Variants in COL4A2 observed in about 807,000 individuals in gnomAD.
The protein encoded by COL4A2 is collagen type IV alpha 2 chain.
A neutral mutation model predicts 200.2 loss-of-function variants in COL4A2; 99 were observed. That is an observed-to-expected ratio of 0.49 (90% CI 0.42 to 0.58). The LOEUF (loss-of-function observed/expected upper bound fraction) is 0.58. COL4A2 is among the 20% of genes least tolerant of loss of function. The probability of loss-of-function intolerance (pLI) is 0.00; values close to 1 mark genes in which losing one functional copy is unlikely to be tolerated. For missense variants in COL4A2, 1,950 were observed against 2,314.1 expected, an observed-to-expected ratio of 0.84 and a Z score of 3.23; for synonymous variants, 897 against 900.6, an observed-to-expected ratio of 1.00 and a Z score of 0.07.
At chr13:110,433,960 A>G (rs1880777937) in intron 11 of COL4A2, among the ~76,000 whole-genome samples, 1 of 152,220 alleles carries the variant, frequency 6.6e-6, no homozygotes, top group Non-Finnish European at 1.5e-5. Flanking sequence ...AAAGATTATT[A>G]AAAAGATAGG....
intron 4 of COL4A2, among the ~76,000 whole-genome samples, chr13:110,371,028 A>T (rs1371063077): frequency 6.6e-6 from 1 of 152,250 alleles, no homozygotes; most frequent in Admixed American, 6.5e-5. Context: ...AGTAGAAGGA[A>T]ATAAAGTTTA....
chr13:110,445,078 T>G (rs1881269437), intron 16 of COL4A2, among the ~76,000 whole-genome samples: 1 of 152,208 alleles, frequency 6.6e-6, no homozygotes, highest in Non-Finnish European at 1.5e-5. Context: ...CTCAGACTTC[T>G]GGGCTCAAGT....
chr13:110,455,999 T>C (rs1255248009), intron 20 of COL4A2, among the ~76,000 whole-genome samples: 2 of 152,212 alleles, frequency 1.3e-5, no homozygotes, highest in Admixed American at 1.3e-4. Context: ...AGGGCACACC[T>C]GCAGAGCCTG....
intron 4 of COL4A2, among the ~76,000 whole-genome samples, chr13:110,369,114 G>A (rs1877888703): frequency 6.6e-6 from 1 of 152,240 alleles, no homozygotes; most frequent in Middle Eastern, 3.4e-3. Flanking sequence ...GAGAGGTTGA[G>A]GCAGGAGAAT....
chr13:110,443,016 C>A (rs1316993942), intron 16 of COL4A2, among the ~76,000 whole-genome samples: 1 of 152,226 alleles, frequency 6.6e-6, no homozygotes, highest in Non-Finnish European at 1.5e-5. Flanking sequence ...TGCATTTGCA[C>A]AGGCTGCAGT....
Position 110,372,481 on chromosome 13 carries a change from A to C in COL4A2, c.180+14929A>C, listed in dbSNP as rs1237507537. 2.0e-5 allele frequency among the ~76,000 whole-genome samples: 3 copies of C among 152,196 alleles called. No individual in the cohort carries two copies. The East Asian group carries it at 5.8e-4, about 29-fold the overall frequency. On this transcript the variant is annotated intron_variant, in intron 4 of 47. Coordinates refer to ENST00000360467, the MANE Select transcript of COL4A2 (RefSeq NM_001846.4). The stretch of plus-strand genomic sequence containing the variant: ...GGAATTTGTCTTGTGTTATTTTTTA[A>C]TAAAAATAATCAGTGTTATGCTATT...
chr13:110,409,155 AC>A (rs373939157), intron 4 of COL4A2, among the ~76,000 whole-genome samples: 14 of 152,148 alleles, frequency 9.2e-5, no homozygotes, highest in Admixed American at 2.6e-4. Context: ...ACATGTACAC[AC>A]ATGCACATAT....
intron 4 of COL4A2, among the ~76,000 whole-genome samples, chr13:110,358,394 AT>A (rs1407477325): frequency 2.0e-5 from 3 of 152,164 alleles, no homozygotes; most frequent in Non-Finnish European, 4.4e-5. Context: ...CTGCTTCTGG[AT>A]TCTTCCTGAA....
chr13:110,505,267 C>G (rs1404564101), intron 45 of COL4A2, among the ~76,000 whole-genome samples: 9 of 152,076 alleles, frequency 5.9e-5, no homozygotes, highest in East Asian at 1.9e-4. Context: ...GGAGAATGGC[C>G]TCAACCCAGG....
chr13:110,438,576 C>A, intron 14 of COL4A2, 42 bp from the exon 15 acceptor site: 1 of 1,613,660 alleles, frequency 6.2e-7, no homozygotes, highest in South Asian at 1.1e-5. Context: ...CTGGAGGGGC[C>A]GCCCCTGGGT....
chr13:110,447,063 G>A (rs1881355685), intron 18 of COL4A2, among the ~76,000 whole-genome samples, 199 bp downstream of exon 18: 1 of 152,158 alleles, frequency 6.6e-6, no homozygotes, highest in Non-Finnish European at 1.5e-5. Context: ...GCTTAAATGT[G>A]TCACAGGGAG....
chr13:110,462,540 A>ATG, intron 24 of COL4A2, 156 bp downstream of exon 24: 1 of 659,666 alleles, frequency 1.5e-6, no homozygotes, highest in Non-Finnish European at 2.5e-6. Flanking sequence ...AATGAGCAGA[A>ATG]ATCAGACTTT....
chr13:110,497,327 A>T (rs1482375563), intron 40 of COL4A2, among the ~76,000 whole-genome samples: 1 of 147,906 alleles, frequency 6.8e-6, no homozygotes, highest in African/African-American at 2.5e-5. Context: ...GTGAGGATCT[A>T]GGTCAGTACA....
At chr13:110,309,913 C>A (rs1217523246) in intron 3 of COL4A2, among the ~76,000 whole-genome samples, 12 of 152,184 alleles carry the variant, frequency 7.9e-5, no homozygotes, top group Non-Finnish European at 4.4e-5. Context: ...ATTGCTTGAA[C>A]CCAGGAGGCC....
rs560510434 is a variant in COL4A2, at chr13:110,503,916, C to A, written c.4208C>A (p.Thr1403Lys). 2.2e-5 allele frequency: 36 copies of A among 1,611,308 alleles called. No individual in the cohort carries two copies. In the Admixed American group the frequency reaches 6.0e-4, roughly 27 times the overall value. Reference protein sequence around the residue: ...IPQKIAVQPGTVGPQGRRGPP... With the variant: ...IPQKIAVQPGKVGPQGRRGPP... ...CAGAAGATTGCCGTCCAACCAGGGACAGTGGGTCCCCAGGGGAGGCGAGGC... is the reference window on the plus strand; with the variant it reads ...CAGAAGATTGCCGTCCAACCAGGGAAAGTGGGTCCCCAGGGGAGGCGAGGC... Residue 1403 changes from threonine (T) to lysine (K), a missense_variant, in exon 44 of 48, where the codon ACA becomes AAA. By Grantham distance (78) the Thr-to-Lys change is moderately conservative. Transcript: ENST00000360467.
chr13:110,385,542 G>A (rs867897661), intron 4 of COL4A2, among the ~76,000 whole-genome samples: 6 of 130,112 alleles, frequency 4.6e-5, no homozygotes, highest in East Asian at 2.4e-4. Context: ...TGGATAGGCC[G>A]TGGTTGCAGT....
intron 4 of COL4A2, among the ~76,000 whole-genome samples, chr13:110,398,310 A>G (rs546499767): frequency 6.6e-6 from 1 of 152,300 alleles, no homozygotes. Flanking sequence ...ACAACGGTAA[A>G]TGTAAATAAG....
rs917232839 is a variant in COL4A2, at chr13:110,453,569, C to A, written c.1339+3115C>A. Among the ~76,000 whole-genome samples the A allele has an allele frequency of 9.8e-5, 15 of 152,318 alleles. No homozygotes were observed. In the South Asian group the frequency reaches 2.1e-3, roughly 21 times the overall value. On this transcript the variant is annotated intron_variant, in intron 20 of 47. Coordinates refer to ENST00000360467, the MANE Select transcript of COL4A2 (RefSeq NM_001846.4). ...ATCAAAGGCTAACGTTGCCATTATT[C>A]CTGTAACTAAATTCCATTTTGATAA...
rs138428757 is a variant in COL4A2, at chr13:110,329,593, C to A, written c.99+21470C>A. On this transcript the variant is annotated intron_variant, in intron 3 of 47. Coordinates refer to ENST00000360467, the MANE Select transcript of COL4A2 (RefSeq NM_001846.4). ...TGGAAATAGAGGGCACAGGTGCAGT[C>A]ATACCAAATACAGACAAAGGAAAAA... 4.3e-3 allele frequency among the ~76,000 whole-genome samples: 659 copies of A among 152,314 alleles called. 9 individuals carry two copies. Among genetic ancestry groups the A allele is most frequent in the South Asian group, 0.041 (197 of 4,822 alleles).
Sources: allele counts gnomAD v4.1 joint callset (sites outside exome capture counted in the v4.1 genomes callset), GRCh38; gene constraint gnomAD v4.1.1; transcripts MANE v1.5; gene names NCBI Gene and HGNC (gene_info 2026-07-23, HGNC 2026-07-21).